The following CDK12 variants were observed in gnomAD, a reference collection of about 807,000 sequenced individuals.
CDK12 encodes cyclin-dependent kinase 12.
CDK12 carries 17 observed loss-of-function variants against 133.8 expected under a neutral mutation model. That is an observed-to-expected ratio of 0.13 (90% CI 0.09 to 0.19). The LOEUF (loss-of-function observed/expected upper bound fraction) is 0.19. Ranked by LOEUF, CDK12 falls within the 10% of genes least tolerant of loss-of-function variation. The probability of loss-of-function intolerance (pLI) is 1.00; values close to 1 mark genes in which losing one functional copy is unlikely to be tolerated. For synonymous variants in CDK12, 694 were observed against 683.6 expected (o/e 1.02, Z -0.24); for missense variants, 1,508 against 1,818.7 (o/e 0.83, Z 3.11).
chr17:39,468,038 C>T (rs1295347689), intron 1 of CDK12, among the ~76,000 whole-genome samples: 3 of 151,826 alleles, frequency 2.0e-5, no homozygotes, highest in Non-Finnish European at 4.4e-5. Flanking sequence ...GGATTACAGG[C>T]GCACACCACC....
intron 2 of CDK12, among the ~76,000 whole-genome samples, chr17:39,478,454 A>T (rs1597966309): frequency 6.6e-6 from 1 of 152,004 alleles, no homozygotes; most frequent in Non-Finnish European, 1.5e-5. Context: ...TTGGCCTCCC[A>T]TAGTGCTGGG....
At chr17:39,558,222 C>T (rs2056235139) in intron 3 of CDK12, among the ~76,000 whole-genome samples, 1 of 152,190 alleles carries the variant, frequency 6.6e-6, no homozygotes, top group African/African-American at 2.4e-5. Flanking sequence ...CAATACTTGA[C>T]TCAGACTCCC....
intron 6 of CDK12, among the ~76,000 whole-genome samples, chr17:39,507,677 C>T (rs962327886): frequency 6.6e-6 from 1 of 152,200 alleles, no homozygotes; most frequent in South Asian, 2.1e-4. Context: ...TTCAGGTCTA[C>T]ACTGATTTCT....
At position 39,471,716 on chromosome 17, in the gene CDK12, T is replaced by C. The variant is rs200891124; in HGVS notation, c.1884T>C (p.Pro628=). The stretch of plus-strand genomic sequence containing the variant: ...CACACCTGAAAACTTCAACGTTGCC[T>C]CCTTTGCCCCTCCCACCCTTATTAC... ...AIPHLKTSTL[P]PLPLPPLLPG... Residue 628 remains proline, a synonymous_variant, in exon 2 of 14, where the codon CCT becomes CCC. Transcript: ENST00000447079. 5.6e-6 allele frequency: 9 copies of C among 1,614,074 alleles called. No homozygotes were observed. The East Asian group carries it at 2.0e-4, about 36-fold the overall frequency.
upstream of CDK12, chr17:39,546,878 T>C (rs985533815): frequency 3.3e-5 from 5 of 152,262 alleles, no homozygotes; most frequent in African/African-American, 9.6e-5. Context: ...CTCGCCTGTA[T>C]GTCTTCGTAA....
chr17:39,492,965 C>G, intron 4 of CDK12, 75 bp downstream of exon 4: 5 of 1,268,686 alleles, frequency 3.9e-6, no homozygotes, highest in Non-Finnish European at 5.5e-6. Context: ...GTGGATTTAG[C>G]AAAAGTAAAT....
intron 1 of CDK12, among the ~76,000 whole-genome samples, chr17:39,466,367 C>A (rs1413709629): frequency 6.7e-6 from 1 of 150,096 alleles, no homozygotes; most frequent in Non-Finnish European, 1.5e-5. Context: ...GTAATCCTAG[C>A]ACTTTGGGAG....
intron 2 of CDK12, among the ~76,000 whole-genome samples, chr17:39,483,500 G>A (rs1056615105): frequency 9.2e-5 from 14 of 151,858 alleles, no homozygotes; most frequent in African/African-American, 3.1e-4. Flanking sequence ...CTAGACACAA[G>A]GAATACACCT....
At chr17:39,475,186 G>A (rs891303993) in intron 2 of CDK12, among the ~76,000 whole-genome samples, 6 of 151,378 alleles carry the variant, frequency 4.0e-5, no homozygotes, top group African/African-American at 1.5e-4. Flanking sequence ...ACATTAATAG[G>A]TATTTATGGA....
chr17:39,561,479 A>T (rs1051119362), intron 3 of CDK12, among the ~76,000 whole-genome samples: 1 of 152,206 alleles, frequency 6.6e-6, no homozygotes, highest in Non-Finnish European at 1.5e-5. Flanking sequence ...TCTTCATGGC[A>T]ACTGAACTCA....
chr17:39,530,125 A>G (rs73300732), intron 13 of CDK12: 5,033 of 154,340 alleles, frequency 0.033, 137 homozygotes, highest in African/African-American at 0.072. Context: ...AGGTTAACCT[A>G]TGTCATCAAA....
Position 39,473,873 on chromosome 17 carries a change from A to G in CDK12, c.1931+2110A>G, listed in dbSNP as rs374423747. ...GCCCTCTAGCCTGGGCAACAGAGCCAGACTCCGTCTCAAAAAAAAAAAAAG... is the reference window on the plus strand; with the variant it reads ...GCCCTCTAGCCTGGGCAACAGAGCCGGACTCCGTCTCAAAAAAAAAAAAAG... On this transcript the variant is annotated intron_variant, in intron 2 of 13. Transcript: ENST00000447079. Among the ~76,000 whole-genome samples the G allele has an allele frequency of 4.6e-5, 7 of 151,848 alleles. No homozygotes were observed. In the East Asian group the frequency reaches 1.2e-3, roughly 25 times the overall value.
At chr17:39,530,069 T>A (rs2054735084) in intron 13 of CDK12, 1 of 152,302 alleles carries the variant, frequency 6.6e-6, no homozygotes, top group African/African-American at 2.4e-5. Context: ...AATGAAAACT[T>A]TTTACTTTAT....
rs115946202 is a variant in CDK12, at chr17:39,521,292, C to T, written c.3095+1205C>T. 6.3e-3 allele frequency among the ~76,000 whole-genome samples: 954 copies of T among 151,984 alleles called. 17 individuals carry two copies. Among genetic ancestry groups the T allele is most frequent in the African/African-American group, 0.022 (912 of 41,444 alleles). Reference sequence around the variant, plus strand: ...GTTTGTTTGTTTGTGTGTTTTGAGACGGAGTTTCACTCTTCGCATCCAGGC... The same window carrying T: ...GTTTGTTTGTTTGTGTGTTTTGAGATGGAGTTTCACTCTTCGCATCCAGGC... On this transcript the variant is annotated intron_variant, in intron 11 of 13. Coordinates refer to ENST00000447079, the MANE Select transcript of CDK12 (RefSeq NM_016507.4).
chr17:39,482,916 T>A (rs1259853319), intron 2 of CDK12, among the ~76,000 whole-genome samples: 3 of 30,522 alleles, frequency 9.8e-5, no homozygotes, highest in South Asian at 0.012. Flanking sequence ...TAAATTTTTT[T>A]TTTTTTTTTT....
At chr17:39,543,155 G>A (rs1403850450), upstream of CDK12, among the ~76,000 whole-genome samples, 4 of 152,184 alleles carry the variant, frequency 2.6e-5, no homozygotes, top group Non-Finnish European at 4.4e-5. Context: ...AGCAAAAAGA[G>A]GTATGCTCTG....
chr17:39,558,775 C>G (rs1003663513), intron 3 of CDK12, among the ~76,000 whole-genome samples: 1 of 152,148 alleles, frequency 6.6e-6, no homozygotes, highest in African/African-American at 2.4e-5. Flanking sequence ...TCCCACGTAG[C>G]TGGGATTATA....
At chr17:39,511,428 C>T (rs2053501803) in intron 7 of CDK12, 101 bp from the exon 8 acceptor site, 5 of 723,980 alleles carry the variant, frequency 6.9e-6, no homozygotes, top group Non-Finnish European at 1.2e-5. Context: ...TTTTCAGTCT[C>T]ATCTTCATTT....
At chr17:39,514,782 G>A (rs1437011675) in intron 8 of CDK12, among the ~76,000 whole-genome samples, 5 of 151,994 alleles carry the variant, frequency 3.3e-5, no homozygotes, top group Admixed American at 3.3e-4. Context: ...ATTTTGATAT[G>A]TTTTGACATA....
Sources: gnomAD v4.1 joint callset for allele counts (sites outside exome capture counted in the v4.1 genomes callset) on GRCh38, gnomAD v4.1.1 for gene constraint, MANE v1.5 for transcripts, NCBI Gene and HGNC (gene_info 2026-07-23, HGNC 2026-07-21) for gene names.